The following LCLAT1 variants were observed in gnomAD, a reference collection of about 807,000 sequenced individuals.
The protein encoded by LCLAT1 is 1-AGP acyltransferase 8.
LCLAT1 carries 11 observed loss-of-function variants against 30.7 expected under a neutral mutation model. The observed-to-expected ratio is 0.36, with a 90% CI of 0.23 to 0.59. The LOEUF (loss-of-function observed/expected upper bound fraction) is 0.59. Among genes scored for constraint, LCLAT1 ranks in the 20% least tolerant of loss-of-function variants. The pLI is 0.77. For missense variants in LCLAT1, 402 were observed against 458.6 expected (o/e 0.88, Z 1.13); for synonymous variants, 155 against 151.3 (o/e 1.02, Z -0.18).
chr2:30,568,864 C>CAACAAAA (rs1665639323), intron 5 of LCLAT1, among the ~76,000 whole-genome samples: 1 of 89,114 alleles, frequency 1.1e-5, no homozygotes, highest in South Asian at 5.3e-4. Context: ...TCATGAATAG[C>CAACAAAA]AAAAAAAAAA....
At chr2:30,450,631 A>G (rs1008461892) in intron 1 of LCLAT1, among the ~76,000 whole-genome samples, 3 of 152,262 alleles carry the variant, frequency 2.0e-5, no homozygotes, top group African/African-American at 4.8e-5. Flanking sequence ...AAACGTGTGT[A>G]ACACTAAAGT....
intron 5 of LCLAT1, among the ~76,000 whole-genome samples, chr2:30,624,148 G>A (rs4952164): frequency 0.12 from 18,304 of 152,028 alleles, 1,273 homozygotes; most frequent in South Asian, 0.22. Flanking sequence ...AAAATACACC[G>A]AAATAGAACC....
chr2:30,594,277 C>G (rs149637477), intron 5 of LCLAT1, among the ~76,000 whole-genome samples: 47 of 152,206 alleles, frequency 3.1e-4, no homozygotes, highest in African/African-American at 1.1e-3. Flanking sequence ...CCTACTGATT[C>G]ATATAGTTTT....
At chr2:30,611,269 G>A (rs1322932531) in intron 5 of LCLAT1, among the ~76,000 whole-genome samples, 1 of 151,900 alleles carries the variant, frequency 6.6e-6, no homozygotes. Flanking sequence ...TGAAACCAAA[G>A]CATATATTCT....
Position 30,614,448 on chromosome 2 carries a change from A to G in LCLAT1, c.629-25669A>G, listed in dbSNP as rs530186247. Among the ~76,000 whole-genome samples the G allele has an allele frequency of 2.0e-5, 3 of 152,206 alleles. No individual in the cohort carries two copies. The South Asian group carries it at 6.2e-4, about 32-fold the overall frequency. On this transcript the variant is annotated intron_variant, in intron 5 of 5. Transcript: ENST00000379509. Reference sequence around the variant, plus strand: ...TCTTGCTTTTCCCCACATGGAAGCAATAGGATTTTTTGATGGGTCGGGTGT... The same window carrying G: ...TCTTGCTTTTCCCCACATGGAAGCAGTAGGATTTTTTGATGGGTCGGGTGT...
At chr2:30,461,770 CTTTTTT>C (rs1553354407) in intron 1 of LCLAT1, among the ~76,000 whole-genome samples, 1 of 131,800 alleles carries the variant, frequency 7.6e-6, no homozygotes. Context: ...CTAAATTAAA[CTTTTTT>C]TTTTTTTTTT....
At chr2:30,613,585 C>T (rs1335752731) in intron 5 of LCLAT1, among the ~76,000 whole-genome samples, 7 of 141,626 alleles carry the variant, frequency 4.9e-5, no homozygotes, top group Admixed American at 1.4e-4. Flanking sequence ...TAAGGGGAAC[C>T]GGGGAACCAG....
chr2:30,458,618 A>G (rs958041140), intron 1 of LCLAT1, among the ~76,000 whole-genome samples: 4 of 152,150 alleles, frequency 2.6e-5, no homozygotes, highest in African/African-American at 9.7e-5. Flanking sequence ...TGTTTTACTT[A>G]AGTGTTTTAT....
At chr2:30,455,936 A>T (rs1225079406) in intron 1 of LCLAT1, among the ~76,000 whole-genome samples, 1 of 137,890 alleles carries the variant, frequency 7.3e-6, no homozygotes, top group Non-Finnish European at 1.6e-5. Flanking sequence ...AAAAAAAAAA[A>T]ATTGGAAGTG....
At chr2:30,562,045 A>G (rs1157015439) in intron 3 of LCLAT1, 101 bp from the exon 4 acceptor site, 1 of 734,282 alleles carries the variant, frequency 1.4e-6, no homozygotes. Flanking sequence ...ACAATAATAA[A>G]TAATATATAG....
chr2:30,643,769 A>T lies in LCLAT1; in HGVS notation c.*3150A>T, dbSNP rs781528349. 2.0e-5 allele frequency: 3 copies of T among 152,660 alleles called. No homozygotes were observed. The highest frequency in any genetic ancestry group is 7.2e-5 in the African/African-American group (3 of 41,444). The allele number at this position is 152,660 out of a possible 1,614,324, so 9.5% of individuals were successfully genotyped here. ...ATAATGTGCTTTCAGTGCCTTAGTT[A>T]CAGCTCCCTTTCTGTTTCTTGTTCC... On this transcript the variant is annotated 3_prime_UTR_variant, in exon 6 of 6. Transcript: ENST00000379509.
chr2:30,517,468 C>G lies in LCLAT1; in HGVS notation c.-4-8119C>G, dbSNP rs547841966. ...GATGCTCTCCTCCCCCAATTTCTAC[C>G]CAGCTTACCCCCACCTGCAATGCAA... On this transcript the variant is annotated intron_variant, in intron 1 of 5. Coordinates refer to ENST00000379509, the MANE Select transcript of LCLAT1 (RefSeq NM_001002257.3). 2.0e-5 allele frequency among the ~76,000 whole-genome samples: 3 copies of G among 152,186 alleles called. No homozygotes were observed. The East Asian group carries it at 5.8e-4, about 29-fold the overall frequency.
chr2:30,514,849 T>A (rs889432478), intron 1 of LCLAT1, among the ~76,000 whole-genome samples: 2 of 152,236 alleles, frequency 1.3e-5, no homozygotes, highest in Non-Finnish European at 2.9e-5. Flanking sequence ...ATTGAGTTCA[T>A]GTTTATATAC....
chr2:30,640,688 G>C lies in LCLAT1; in HGVS notation c.*69G>C. On this transcript the variant is annotated 3_prime_UTR_variant, in exon 6 of 6. Transcript: ENST00000379509. Reference sequence around the variant, plus strand: ...AATGTTCTAAACCTTTCTAAGCTCAGATGCATTTTTGCATGACTATGTCGA... The same window carrying C: ...AATGTTCTAAACCTTTCTAAGCTCACATGCATTTTTGCATGACTATGTCGA... 6.7e-7 allele frequency: 1 copy of C among 1,501,104 alleles called. No individual in the cohort carries two copies. The highest frequency in any genetic ancestry group is 8.9e-7 in the Non-Finnish European group (1 of 1,126,372). 93.0% of individuals were successfully genotyped at this position (1,501,104 alleles called of 1,614,324 possible). A position where few individuals can be genotyped will look rare whatever the true frequency, so the allele number is the denominator to read the frequency against.
intron 3 of LCLAT1, among the ~76,000 whole-genome samples, chr2:30,560,831 A>G (rs1374968090): frequency 6.6e-6 from 1 of 152,206 alleles, no homozygotes; most frequent in African/African-American, 2.4e-5. Context: ...ATTCTCATGG[A>G]TATCCAAGAG....
Position 30,640,886 on chromosome 2 carries a change from C to A in LCLAT1, c.*267C>A. On this transcript the variant is annotated 3_prime_UTR_variant, in exon 6 of 6. Transcript: ENST00000379509. ...AGAATATTATTAAACAATCATCAGG[C>A]TTTTAGCGACAAGGAACACACACAT... 2.8e-6 allele frequency: 1 copy of A among 357,612 alleles called. No homozygotes were observed. The highest frequency in any genetic ancestry group is 3.2e-5 in the South Asian group (1 of 30,910). 22.2% of individuals were successfully genotyped at this position (357,612 alleles called of 1,614,324 possible).
intron 1 of LCLAT1, among the ~76,000 whole-genome samples, chr2:30,486,881 G>A (rs963505718): frequency 3.9e-5 from 6 of 152,110 alleles, no homozygotes; most frequent in African/African-American, 1.4e-4. Context: ...CACCCTATGA[G>A]TATTACATAT....
At chr2:30,530,546 A>ATTG (rs905330474) in intron 2 of LCLAT1, among the ~76,000 whole-genome samples, 96 of 152,104 alleles carry the variant, frequency 6.3e-4, no homozygotes, top group African/African-American at 2.2e-3. Flanking sequence ...CATGGTCTTG[A>ATTG]TTGTTGTTGT....
intron 5 of LCLAT1, among the ~76,000 whole-genome samples, chr2:30,616,000 G>T (rs1667978301): frequency 6.6e-6 from 1 of 152,252 alleles, no homozygotes; most frequent in Non-Finnish European, 1.5e-5. Flanking sequence ...TAGACAGAGG[G>T]AGAGTTGTGG....
Sources: gnomAD v4.1 joint callset for allele counts (sites outside exome capture counted in the v4.1 genomes callset) on GRCh38, gnomAD v4.1.1 for gene constraint, MANE v1.5 for transcripts, NCBI Gene and HGNC (gene_info 2026-07-23, HGNC 2026-07-21) for gene names.